DLGAP1: variants seen among roughly 807,000 people sequenced by gnomAD.
DLGAP1 encodes DLG associated protein 1.
In DLGAP1, 11 loss-of-function variants were observed where a neutral mutation model predicts 90.8. The ratio of observed to expected loss-of-function variants is 0.12; its 90% CI spans 0.08 to 0.20. DLGAP1 has a LOEUF of 0.20. Ranked by LOEUF, DLGAP1 falls within the 10% of genes least tolerant of loss-of-function variation. The pLI, the probability that DLGAP1 is intolerant of heterozygous loss-of-function variation, is 1.00. For synonymous variants in DLGAP1, 558 were observed against 540.7 expected (o/e 1.03, Z -0.44); for missense variants, 1,050 against 1,333.8 (o/e 0.79, Z 3.31).
At chr18:3,540,880 C>T (rs1462168027) in intron 9 of DLGAP1, among the ~76,000 whole-genome samples, 7 of 152,084 alleles carry the variant, frequency 4.6e-5, no homozygotes, top group African/African-American at 7.2e-5. Flanking sequence ...TGAGAGTGGA[C>T]GTGTTGTCAT....
In DLGAP1 at chr18:3,834,685, T is replaced by C. The variant is rs7240299; in HGVS notation, c.958-20412A>G. Among the ~76,000 whole-genome samples the C allele has an allele frequency of 5.1e-3, 773 of 152,346 alleles. 8 individuals carry two copies. The highest frequency in any genetic ancestry group is 0.017 in the African/African-American group (714 of 41,592). On this transcript the variant is annotated intron_variant, in intron 4 of 12. Transcript: ENST00000315677. ...AAGGCGAATGTTAAAATGGTAACAG[T>C]GATGGCTGCCTTTGGTTAAATAAGA...
At chr18:4,089,339 G>C (rs541183392) in intron 2 of DLGAP1, among the ~76,000 whole-genome samples, 1 of 152,284 alleles carries the variant, frequency 6.6e-6, no homozygotes, top group East Asian at 1.9e-4. Context: ...CATGCTCATG[G>C]ATAGGAAGAA....
chr18:4,348,013 C>T (rs35640999), intron 1 of DLGAP1, among the ~76,000 whole-genome samples: 5,831 of 152,068 alleles, frequency 0.038, 119 homozygotes, highest in African/African-American at 0.05. Context: ...CCTTCATGTA[C>T]ATTGCATTAT....
At chr18:3,797,347 G>C (rs1353107529) in intron 5 of DLGAP1, among the ~76,000 whole-genome samples, 1 of 150,964 alleles carries the variant, frequency 6.6e-6, no homozygotes, top group Non-Finnish European at 1.5e-5. Flanking sequence ...AAAAGAAGAA[G>C]AACACTCAAG....
rs76448284 is a variant in DLGAP1 at position 3,593,579 on chromosome 18, T to G, written c.1592-11331A>C. ...TCTAAAGTAGAAAAAAATATGCTTG[T>G]GTGTGTGTGTAAGGGGAGGAGAGGG... On this transcript the variant is annotated intron_variant, in intron 7 of 12. Coordinates refer to ENST00000315677, the MANE Select transcript of DLGAP1 (RefSeq NM_004746.4). 7.0e-3 allele frequency among the ~76,000 whole-genome samples: 1,065 copies of G among 151,978 alleles called. 4 individuals are homozygous for G. Among genetic ancestry groups the G allele is most frequent in the Middle Eastern group, 0.017 (5 of 294 alleles).
chr18:4,249,971 A>G (rs982974807), intron 1 of DLGAP1, among the ~76,000 whole-genome samples: 3 of 152,200 alleles, frequency 2.0e-5, no homozygotes, highest in Admixed American at 6.5e-5. Context: ...GTTATGTCTG[A>G]TAGCCTTTAA....
chr18:4,088,255 C>T (rs2075716339), intron 2 of DLGAP1, among the ~76,000 whole-genome samples: 2 of 152,032 alleles, frequency 1.3e-5, no homozygotes, highest in African/African-American at 4.8e-5. Context: ...CACCAATATA[C>T]TTCCAGTGTT....
At chr18:3,837,554 T>C (rs565278186) in intron 4 of DLGAP1, among the ~76,000 whole-genome samples, 10 of 152,224 alleles carry the variant, frequency 6.6e-5, no homozygotes, top group African/African-American at 1.9e-4. Flanking sequence ...AGATTGTAAA[T>C]GTTATGGACA....
At chr18:3,673,026 C>T (rs187098344) in intron 7 of DLGAP1, among the ~76,000 whole-genome samples, 25 of 152,276 alleles carry the variant, frequency 1.6e-4, no homozygotes, top group Admixed American at 1.3e-3. Flanking sequence ...TCTAAGACAC[C>T]GATTACTTCC....
At chr18:3,875,782 T>C (rs1009793669) in intron 4 of DLGAP1, among the ~76,000 whole-genome samples, 5 of 152,200 alleles carry the variant, frequency 3.3e-5, no homozygotes, top group Admixed American at 3.3e-4. Flanking sequence ...AATTTACGAG[T>C]TTGAAAATGC....
intron 1 of DLGAP1, among the ~76,000 whole-genome samples, chr18:4,362,682 T>G (rs769345628): frequency 2.0e-5 from 3 of 152,088 alleles, no homozygotes; most frequent in Non-Finnish European, 2.9e-5. Context: ...ACAATATGAA[T>G]GTACTCAACA....
chr18:4,264,432 T>A (rs1403718317), intron 1 of DLGAP1, among the ~76,000 whole-genome samples: 1 of 152,228 alleles, frequency 6.6e-6, no homozygotes, highest in African/African-American at 2.4e-5. Flanking sequence ...TAATCCTTGA[T>A]GATCTGTCAG....
intron 7 of DLGAP1, among the ~76,000 whole-genome samples, chr18:3,588,973 C>T (rs753694917): frequency 4.6e-5 from 7 of 151,946 alleles, no homozygotes; most frequent in East Asian, 1.9e-4. Flanking sequence ...TTTGAGGTCG[C>T]GAGTTCGAAA....
intron 4 of DLGAP1, among the ~76,000 whole-genome samples, chr18:3,846,490 T>G (rs1049927071): frequency 6.6e-6 from 1 of 152,280 alleles, no homozygotes; most frequent in Admixed American, 6.5e-5. Flanking sequence ...CACAAACACT[T>G]GTACACAAAT....
chr18:3,726,160 A>G (rs4797122), intron 7 of DLGAP1, among the ~76,000 whole-genome samples: 5,381 of 152,278 alleles, frequency 0.035, 257 homozygotes, highest in Admixed American at 0.11. Context: ...TAATGAGCAA[A>G]GGAAGAGAGA....
intron 2 of DLGAP1, among the ~76,000 whole-genome samples, chr18:4,042,016 G>A (rs1481061360): frequency 1.6e-4 from 25 of 152,176 alleles, no homozygotes; most frequent in Admixed American, 1.6e-3. Context: ...TCATTCCATT[G>A]TGTTATAGAG....
intron 2 of DLGAP1, among the ~76,000 whole-genome samples, chr18:4,110,029 C>T (rs997469045): frequency 2.4e-5 from 1 of 41,902 alleles, no homozygotes; most frequent in Non-Finnish European, 4.4e-5. Context: ...AAAAAGGATA[C>T]ACAGATACAC....
chr18:3,989,981 C>A lies in DLGAP1; in HGVS notation c.-73+15135G>T, dbSNP rs1282846256. ...TGGCGATCATTAAAAAGTCAGGAAA[C>A]AACAGGTGCTGGAGAGGATGTGGAG... On this transcript the variant is annotated intron_variant, in intron 3 of 12. Coordinates refer to ENST00000315677, the MANE Select transcript of DLGAP1 (RefSeq NM_004746.4). Among the ~76,000 whole-genome samples the A allele has an allele frequency of 5.3e-5, 8 of 152,098 alleles. No homozygotes were observed. The South Asian group carries it at 1.2e-3, about 24-fold the overall frequency.
chr18:3,571,568 C>T (rs1292036683), intron 8 of DLGAP1: 1 of 152,114 alleles, frequency 6.6e-6, no homozygotes, highest in Non-Finnish European at 1.5e-5. Context: ...CACTCTGTCG[C>T]CCAGGCTGGA....
Sources: allele counts gnomAD v4.1 joint callset (sites outside exome capture counted in the v4.1 genomes callset), GRCh38; gene constraint gnomAD v4.1.1; transcripts MANE v1.5; gene names NCBI Gene and HGNC (gene_info 2026-07-23, HGNC 2026-07-21).